CD200R1: variants seen among roughly 807,000 people sequenced by gnomAD.
CD200R1 encodes the protein cell surface glycoprotein CD200 receptor 1.
In CD200R1, 30 loss-of-function variants were observed where a neutral mutation model predicts 38.1. The observed-to-expected ratio is 0.79, with a 90% CI of 0.59 to 1.07. The LOEUF (loss-of-function observed/expected upper bound fraction) is 1.07. Among genes scored for constraint, CD200R1 ranks in the 50% least tolerant of loss-of-function variants. The pLI is 0.00. For missense variants in CD200R1, 372 were observed against 415.4 expected (o/e 0.90, Z 0.91); for synonymous variants, 128 against 152.1 (o/e 0.84, Z 1.16).
chr3:112,946,871 T>A (rs976340483), intron 2 of CD200R1, among the ~76,000 whole-genome samples: 2 of 152,090 alleles, frequency 1.3e-5, no homozygotes, highest in Non-Finnish European at 2.9e-5. Context: ...TTGCCAAAAC[T>A]TGGAAGCAGC....
intron 1 of CD200R1, among the ~76,000 whole-genome samples, chr3:112,968,497 C>T (rs1933221365): frequency 6.6e-6 from 1 of 152,056 alleles, no homozygotes; most frequent in Admixed American, 6.6e-5. Flanking sequence ...TGAAGGGTGT[C>T]AATGCTTGGA....
rs1256567449 is a variant in CD200R1 at position 112,929,026 on chromosome 3, T to C, written c.559A>G (p.Thr187Ala). Residue 187 changes from threonine to alanine, a missense_variant, in exon 5 of 8, where the codon ACT becomes GCT. By Grantham distance (58) the Thr-to-Ala change is moderately conservative. Coordinates refer to ENST00000308611, the MANE Select transcript of CD200R1 (RefSeq NM_138806.4). Reference sequence around the variant, plus strand: ...CCTGCAACTGCCTTGCATACTGCAGTTCTATTCCTGTTTTGAAACAGGGTC... The same window carrying C: ...CCTGCAACTGCCTTGCATACTGCAGCTCTATTCCTGTTTTGAAACAGGGTC... The part of the protein sequence containing the change: ...EVTLFQNRNR[T>A]AVCKAVAGKP... 1 of 1,613,930 alleles carries C rather than the reference T, an allele frequency of 6.2e-7. No individual in the cohort carries two copies. Among genetic ancestry groups the C allele is most frequent in the Non-Finnish European group, 8.5e-7 (1 of 1,180,002 alleles).
chr3:112,959,976 G>C (rs902879356), intron 1 of CD200R1, among the ~76,000 whole-genome samples: 1 of 151,900 alleles, frequency 6.6e-6, no homozygotes, highest in Non-Finnish European at 1.5e-5. Flanking sequence ...TTAAAAATAA[G>C]GAATTACTCA....
intron 2 of CD200R1, among the ~76,000 whole-genome samples, chr3:112,936,325 C>T (rs1940580036): frequency 6.6e-6 from 1 of 152,144 alleles, no homozygotes; most frequent in African/African-American, 2.4e-5. Flanking sequence ...ACCCAGTAAT[C>T]AGATTGCCGA....
At chr3:112,928,766 T>C (rs1466872) in intron 5 of CD200R1, 50 bp downstream of exon 5, 813,920 of 1,416,424 alleles carry the variant, frequency 0.57, 237,139 homozygotes, top group African/African-American at 0.73. Flanking sequence ...TTCTTAACTC[T>C]TTTAAAAGAA....
In CD200R1 at chr3:112,929,259, C is replaced by T. The variant is rs975173077; in HGVS notation, c.451G>A (p.Gly151Arg). 20 of 1,614,002 alleles carry T rather than the reference C, an allele frequency of 1.2e-5. 1 individual carries two copies. The highest frequency in any genetic ancestry group is 2.2e-5 in the South Asian group (2 of 91,084). The change falls in exon 4 of 8, where the codon GGG (glycine) becomes AGG (arginine). Residue 151 changes from glycine to arginine, a missense_variant. Gly to Arg is a moderately radical substitution (Grantham distance 125, BLOSUM62 -2). Transcript: ENST00000308611. ...QIRTVAITHD[G>R]YYRCIMVTPD... The stretch of plus-strand genomic sequence containing the variant: ...GTTACCATTATGCATCTGTAATACC[C>T]GTCATGAGTGATGGCCACGGTACGA...
chr3:112,973,786 C>A (rs1167530755), intron 1 of CD200R1, among the ~76,000 whole-genome samples: 2 of 152,172 alleles, frequency 1.3e-5, no homozygotes, highest in African/African-American at 4.8e-5. Flanking sequence ...ACACTCTTCC[C>A]TTGCAGCTGC....
At chr3:112,941,655 GA>G (rs1358955498) in intron 2 of CD200R1, among the ~76,000 whole-genome samples, 3 of 151,306 alleles carry the variant, frequency 2.0e-5, no homozygotes, top group African/African-American at 7.3e-5. Flanking sequence ...AAAAAAATAA[GA>G]AATACTTTAA....
rs775333597 is a variant in CD200R1 at position 112,928,916 on chromosome 3, A to AAT, written c.668_669insAT (p.Lys224LeufsTer15). On this transcript the variant is annotated frameshift_variant, in exon 5 of 8. Transcript: ENST00000308611. LOFTEE classifies it high-confidence loss of function. ...GGACCTCCCAGTGGCATGTACTCTTAACAGTCACTGTGCCATTGCTCCAGT... is the reference window on the plus strand; with the variant it reads ...GGACCTCCCAGTGGCATGTACTCTTAATACAGTCACTGTGCCATTGCTCCAGT... 24 of 1,613,966 alleles carry AAT rather than the reference A, an allele frequency of 1.5e-5. 1 individual carries two copies. In the East Asian group the frequency reaches 5.3e-4, roughly 36 times the overall value.
intron 1 of CD200R1, among the ~76,000 whole-genome samples, chr3:112,949,386 T>C (rs1940928894): frequency 6.6e-6 from 1 of 152,252 alleles, no homozygotes. Context: ...CCCTTTCAGC[T>C]GCCATTTTCT....
chr3:112,922,528 T>C lies in CD200R1; in HGVS notation c.*1149A>G, dbSNP rs1940194670. The C allele has an allele frequency of 6.6e-6, 1 of 151,834 alleles. No homozygotes were observed. The highest frequency in any genetic ancestry group is 2.4e-5 in the African/African-American group (1 of 41,370). 9.4% of individuals were successfully genotyped at this position (151,834 alleles called of 1,614,324 possible). ...ATAGACATTAATTATTCAATAAATA[T>C]ATCACAATAGAATGTACACCATAAA... On this transcript the variant is annotated 3_prime_UTR_variant, in exon 8 of 8. Transcript: ENST00000308611.
chr3:112,947,946 G>A (rs761117877), intron 1 of CD200R1, 22 bp from the exon 2 acceptor site: 2 of 1,521,924 alleles, frequency 1.3e-6, no homozygotes, highest in Admixed American at 3.3e-5. Flanking sequence ...AAAAGACATA[G>A]GGGGTAGAGA....
intron 5 of CD200R1, among the ~76,000 whole-genome samples, chr3:112,927,704 C>T (rs531623265): frequency 6.6e-6 from 1 of 152,052 alleles, no homozygotes; most frequent in South Asian, 2.1e-4. Context: ...GAGATTAGAC[C>T]AAACACATAC....
intron 1 of CD200R1, among the ~76,000 whole-genome samples, chr3:112,950,483 T>A (rs1361107524): frequency 6.6e-6 from 1 of 152,186 alleles, no homozygotes; most frequent in Non-Finnish European, 1.5e-5. Context: ...TGTATTTTTA[T>A]CTTTCAAAAT....
At chr3:112,940,304 G>C (rs192037891) in intron 2 of CD200R1, among the ~76,000 whole-genome samples, 1 of 151,630 alleles carries the variant, frequency 6.6e-6, no homozygotes, top group Non-Finnish European at 1.5e-5. Flanking sequence ...GGTAACTAAA[G>C]CAAAAATAAA....
chr3:112,958,662 A>C (rs527336076), intron 1 of CD200R1, among the ~76,000 whole-genome samples: 1 of 152,304 alleles, frequency 6.6e-6, no homozygotes, highest in Non-Finnish European at 1.5e-5. Flanking sequence ...GAGATAACTA[A>C]AAACAGCATC....
chr3:112,952,522 A>T (rs1204236914), intron 1 of CD200R1, among the ~76,000 whole-genome samples: 2 of 152,136 alleles, frequency 1.3e-5, no homozygotes, highest in East Asian at 3.9e-4. Flanking sequence ...CATTCTCAGT[A>T]AACTATCGCA....
chr3:112,959,767 T>C (rs1015346310), intron 1 of CD200R1, among the ~76,000 whole-genome samples: 1 of 152,042 alleles, frequency 6.6e-6, no homozygotes, highest in African/African-American at 2.4e-5. Context: ...CTTTAATAGA[T>C]CTTCAAAGTT....
chr3:112,928,742 G>T, intron 5 of CD200R1, 74 bp downstream of exon 5: 3 of 1,183,666 alleles, frequency 2.5e-6, no homozygotes, highest in African/African-American at 1.6e-5. Flanking sequence ...AAATATATTT[G>T]CACATCTTTT....
Sources: gnomAD v4.1 joint callset for allele counts (sites outside exome capture counted in the v4.1 genomes callset) on GRCh38, gnomAD v4.1.1 for gene constraint, MANE v1.5 for transcripts, NCBI Gene and HGNC (gene_info 2026-07-23, HGNC 2026-07-21) for gene names.